The following ELOF1 variants were observed in gnomAD, a reference collection of about 807,000 sequenced individuals.
ELOF1 encodes the protein elongation factor 1.
In ELOF1, 4 loss-of-function variants were observed where a neutral mutation model predicts 7.1. The ratio of observed to expected loss-of-function variants is 0.56; its 90% CI spans 0.28 to 1.29. The LOEUF is 1.29. Among genes scored for constraint, ELOF1 ranks in the 50% most tolerant of loss-of-function variants. The probability of loss-of-function intolerance (pLI) is 0.10; values close to 1 mark genes in which losing one functional copy is unlikely to be tolerated. For synonymous variants in ELOF1, 31 were observed against 31.9 expected (o/e 0.97, Z 0.09); for missense variants, 59 against 86.3 (o/e 0.68, Z 1.25).
At chr19:11,555,894 G>GA (rs1292686587) in intron 1 of ELOF1, among the ~76,000 whole-genome samples, 14 of 152,268 alleles carry the variant, frequency 9.2e-5, no homozygotes, top group African/African-American at 3.4e-4. Flanking sequence ...ACGAGAGAAG[G>GA]AAAGTCCAGG....
At chr19:11,557,559 G>A (rs910118247) in intron 1 of ELOF1, among the ~76,000 whole-genome samples, 6 of 134,514 alleles carry the variant, frequency 4.5e-5, no homozygotes, top group African/African-American at 1.2e-4. Context: ...TTGTGCCACC[G>A]CACTCCAGCC....
chr19:11,558,387 G>A (rs760352931), intron 1 of ELOF1, among the ~76,000 whole-genome samples: 3 of 151,872 alleles, frequency 2.0e-5, no homozygotes, highest in Non-Finnish European at 4.4e-5. Flanking sequence ...AAGTGCTGGC[G>A]TTACAAGCAT....
chr19:11,557,133 T>A (rs1315757099), intron 1 of ELOF1, among the ~76,000 whole-genome samples: 7 of 152,130 alleles, frequency 4.6e-5, no homozygotes, highest in Admixed American at 4.6e-4. Flanking sequence ...TACTGGTGGC[T>A]CCATACTGCA....
intron 3 of ELOF1, chr19:11,553,608 C>G: frequency 1.4e-6 from 1 of 733,730 alleles, no homozygotes; most frequent in Non-Finnish European, 2.2e-6. Context: ...CACACACACA[C>G]ACACACACAC....
At chr19:11,553,685 A>G (rs1243180294) in intron 3 of ELOF1, 7 of 1,607,282 alleles carry the variant, frequency 4.4e-6, no homozygotes, top group Admixed American at 1.7e-5. Context: ...TCTCTGGACC[A>G]GAACCGAACA....
At chr19:11,554,196 G>A (rs779955819) in intron 2 of ELOF1, 36 bp downstream of exon 2, 1 of 1,613,218 alleles carries the variant, frequency 6.2e-7, no homozygotes, top group Non-Finnish European at 8.5e-7. Context: ...AAGAGGCAGT[G>A]GGGAGGCTGG....
intron 1 of ELOF1, among the ~76,000 whole-genome samples, chr19:11,556,055 A>C (rs1378685031): frequency 6.6e-6 from 1 of 152,102 alleles, no homozygotes; most frequent in Non-Finnish European, 1.5e-5. Context: ...TCCAGGAGGC[A>C]GGTGGGTGGG....
At chr19:11,555,082 C>A (rs1972809817) in intron 1 of ELOF1, 2 of 194,498 alleles carry the variant, frequency 1.0e-5, no homozygotes, top group Non-Finnish European at 2.2e-5. Flanking sequence ...CACGGTGAAA[C>A]CCCATCTCTA....
At chr19:11,557,478 C>T (rs1599621060) in intron 1 of ELOF1, among the ~76,000 whole-genome samples, 1 of 151,230 alleles carries the variant, frequency 6.6e-6, no homozygotes, top group African/African-American at 2.4e-5. Flanking sequence ...TGCCTGTAAT[C>T]CCAGCTAATA....
chr19:11,554,169 G>T, intron 2 of ELOF1, 63 bp downstream of exon 2: 1 of 1,614,038 alleles, frequency 6.2e-7, no homozygotes, highest in Non-Finnish European at 8.5e-7. Flanking sequence ...CAAGGGGCAG[G>T]ATGGAGAACA....
At position 11,554,505 on chromosome 19, in the gene ELOF1, A is replaced by G. The variant is rs530790850; in HGVS notation, c.-18-140T>C. On this transcript the variant is annotated intron_variant, in intron 1 of 3. Coordinates refer to ENST00000586683, the Ensembl canonical transcript of ELOF1. ...TCTGCCCTTGAGGGACGAGGCCCTC[A>G]GTCCTGATGCAGGAGGACAATTCCC... The G allele has an allele frequency of 2.0e-5, 25 of 1,232,872 alleles. No homozygotes were observed. The African/African-American group carries it at 3.8e-4, about 19-fold the overall frequency. 76.4% of individuals were successfully genotyped at this position (1,232,872 alleles called of 1,614,324 possible). A position where few individuals can be genotyped will look rare whatever the true frequency, so the allele number is the denominator to read the frequency against.
intron 3 of ELOF1, 68 bp from the exon 4 acceptor site, chr19:11,553,878 A>T: frequency 1.2e-6 from 2 of 1,612,590 alleles, no homozygotes; most frequent in Non-Finnish European, 1.7e-6. Context: ...CACCCCACAG[A>T]AATCACTAGG....
intron 1 of ELOF1, chr19:11,555,256 C>CAA (rs5827127): frequency 4.0e-4 from 35 of 87,618 alleles, no homozygotes; most frequent in South Asian, 2.6e-3. Context: ...GACTCCGTCT[C>CAA]AAAAAAAAAA....
chr19:11,558,454 G>A (rs1972865383), intron 1 of ELOF1, among the ~76,000 whole-genome samples: 1 of 151,458 alleles, frequency 6.6e-6, no homozygotes, highest in Non-Finnish European at 1.5e-5. Flanking sequence ...CAGTTTGCTT[G>A]TAACTCTATC....
intron 1 of ELOF1, among the ~76,000 whole-genome samples, chr19:11,556,457 G>A (rs892480494): frequency 5.3e-5 from 8 of 151,824 alleles, no homozygotes; most frequent in African/African-American, 1.2e-4. Flanking sequence ...GCACTACCAC[G>A]CGTGGCTAAT....
At chr19:11,554,194 G>A in intron 2 of ELOF1, 38 bp downstream of exon 2, 1 of 1,613,320 alleles carries the variant, frequency 6.2e-7, no homozygotes, top group Non-Finnish European at 8.5e-7. Flanking sequence ...GGAAGAGGCA[G>A]TGGGGAGGCT....
At chr19:11,553,503 ACACT>A (rs1033023117) in intron 3 of ELOF1, 91 of 609,666 alleles carry the variant, frequency 1.5e-4, no homozygotes, top group East Asian at 5.0e-4. Context: ...CTGTGAGCAC[ACACT>A]CACGGCCACC....
rs1599618706 is a variant in ELOF1, at chr19:11,554,220, T to C, written c.116+12A>G. 11 of 1,612,962 alleles carry C rather than the reference T, an allele frequency of 6.8e-6. No homozygotes were observed. The East Asian group carries it at 2.2e-4, about 33-fold the overall frequency. ...TGGGGAGGCTGGATCCCTTGCCCTGTTCCCCACTCACATTTTCACATCACA... is the reference window on the plus strand; with the variant it reads ...TGGGGAGGCTGGATCCCTTGCCCTGCTCCCCACTCACATTTTCACATCACA... On this transcript the variant is annotated intron_variant, in intron 2 of 3. Transcript: ENST00000586683.
chr19:11,553,670 G>A (rs1972774559), intron 3 of ELOF1: 2 of 1,574,506 alleles, frequency 1.3e-6, no homozygotes, highest in East Asian at 4.6e-5. Context: ...TGGACCCCTG[G>A]AATGTCTCTG....
Sources: gnomAD v4.1 joint callset for allele counts (sites outside exome capture counted in the v4.1 genomes callset) on GRCh38, gnomAD v4.1.1 for gene constraint, MANE v1.5 for transcripts, NCBI Gene and HGNC (gene_info 2026-07-23, HGNC 2026-07-21) for gene names.